The following DNASE1 variants were observed in gnomAD, a reference collection of about 807,000 sequenced individuals.
DNASE1 encodes the protein deoxyribonuclease 1.
DNASE1 carries 40 observed loss-of-function variants against 33.9 expected under a neutral mutation model. The observed-to-expected ratio is 1.18, with a 90% confidence interval of 0.92 to 1.54. The LOEUF (loss-of-function observed/expected upper bound fraction) is 1.54. Ranked by LOEUF, DNASE1 falls within the 40% of genes most tolerant of loss-of-function variation. DNASE1 has a pLI of 0.00. For synonymous variants in DNASE1, 216 were observed against 160.0 expected, an observed-to-expected ratio of 1.35 and a Z score of -2.64; for missense variants, 518 against 372.6, an observed-to-expected ratio of 1.39 and a Z score of -3.21.
At chr16:3,621,636 T>C (rs1433349285) in intron 1 of DNASE1, among the ~76,000 whole-genome samples, 1 of 152,242 alleles carries the variant, frequency 6.6e-6, no homozygotes, top group African/African-American at 2.4e-5. Context: ...CTTAATGAAC[T>C]GTCTTGGAGA....
At position 3,657,355 on chromosome 16, in the gene DNASE1, C is replaced by T. The variant is rs1428986047; in HGVS notation, c.704+14C>T. 5.0e-6 allele frequency: 8 copies of T among 1,611,328 alleles called. No individual in the cohort carries two copies. Among genetic ancestry groups the T allele is most frequent in the Admixed American group, 3.3e-5 (2 of 60,000 alleles). On this transcript the variant is annotated intron_variant, in intron 7 of 8. Transcript: ENST00000246949. ...TGCCTATGACAGGTGAGCAGGGCCTCGCGCTTAGGGCAGACTGAGGGCACC... is the reference window on the plus strand; with the variant it reads ...TGCCTATGACAGGTGAGCAGGGCCTTGCGCTTAGGGCAGACTGAGGGCACC...
chr16:3,655,573 C>G, intron 2 of DNASE1, 53 bp downstream of exon 2: 1 of 1,612,366 alleles, frequency 6.2e-7, no homozygotes, highest in South Asian at 1.1e-5. Context: ...GAGTCTAGGG[C>G]TGGTGGGCAG....
intron 1 of DNASE1, among the ~76,000 whole-genome samples, chr16:3,619,471 C>T (rs375801773): frequency 6.6e-6 from 1 of 152,184 alleles, no homozygotes; most frequent in Non-Finnish European, 1.5e-5. Flanking sequence ...ATGCCATTCT[C>T]CTGCCTCAGC....
chr16:3,625,629 T>C (rs2151168643), intron 1 of DNASE1, among the ~76,000 whole-genome samples: 1 of 149,940 alleles, frequency 6.7e-6, no homozygotes, highest in Non-Finnish European at 1.5e-5. Context: ...TGTCAAAAAA[T>C]AAATAAATAA....
chr16:3,643,487 G>C (rs2042080605), intron 1 of DNASE1, among the ~76,000 whole-genome samples: 1 of 152,232 alleles, frequency 6.6e-6, no homozygotes, highest in African/African-American at 2.4e-5. Flanking sequence ...AAAGACTGCA[G>C]AGGAGCTTAG....
intron 1 of DNASE1, among the ~76,000 whole-genome samples, chr16:3,612,785 A>T (rs2040948429): frequency 6.6e-6 from 1 of 152,162 alleles, no homozygotes. Flanking sequence ...CTATTACATA[A>T]TCTAGATGAA....
chr16:3,658,269 G>A (rs1306016649), downstream of DNASE1: 3 of 1,513,748 alleles, frequency 2.0e-6, no homozygotes, highest in Non-Finnish European at 2.7e-6. Flanking sequence ...GAGGGGCATG[G>A]GGCACCTTTT....
chr16:3,657,917 C>T lies in DNASE1; in HGVS notation c.813C>T (p.Ile271=). ...CCACTTGCCTGCAGGCCCAAGCCATCAGTGACCACTATCCAGTGGAGGTGA... is the reference window on the plus strand; with the variant it reads ...CCACTTGCCTGCAGGCCCAAGCCATTAGTGACCACTATCCAGTGGAGGTGA... The part of the protein sequence containing the change: ...YGLSDQLAQA[I]SDHYPVEVML... The change falls in exon 9 of 9, where the codon ATC becomes ATT. Residue 271 remains isoleucine (I), a synonymous_variant. Transcript: ENST00000246949. 6.2e-7 allele frequency: 1 copy of T among 1,613,182 alleles called. No homozygotes were observed. The highest frequency in any genetic ancestry group is 8.5e-7 in the Non-Finnish European group (1 of 1,179,176).
chr16:3,617,620 A>G (rs2041156428), intron 1 of DNASE1, among the ~76,000 whole-genome samples: 1 of 152,110 alleles, frequency 6.6e-6, no homozygotes, highest in Non-Finnish European at 1.5e-5. Flanking sequence ...CTCAACCGCA[A>G]GGTGATGGGA....
intron 1 of DNASE1, among the ~76,000 whole-genome samples, chr16:3,616,116 G>GT (rs2041095229): frequency 6.6e-6 from 1 of 152,192 alleles, no homozygotes; most frequent in Admixed American, 6.5e-5. Context: ...GTATACAAAA[G>GT]TTATTCGAGA....
intron 1 of DNASE1, among the ~76,000 whole-genome samples, chr16:3,628,060 C>T (rs562378392): frequency 2.6e-4 from 39 of 151,096 alleles, no homozygotes; most frequent in Middle Eastern, 3.5e-3. Flanking sequence ...TTAACAATAT[C>T]GTCCAACCCA....
At chr16:3,654,684 A>G (rs1567207028), upstream of DNASE1, 1 of 399,484 alleles carries the variant, frequency 2.5e-6, no homozygotes, top group Non-Finnish European at 4.4e-6. Context: ...AAACGTGATT[A>G]TCAGGTGCAG....
upstream of DNASE1, chr16:3,652,240 C>G (rs1256617045): frequency 2.6e-5 from 4 of 152,306 alleles, no homozygotes; most frequent in African/African-American, 9.6e-5. Context: ...ACCCTCGTCC[C>G]ACGTGCTGAG....
intron 1 of DNASE1, among the ~76,000 whole-genome samples, chr16:3,644,471 G>A (rs1046706377): frequency 6.6e-6 from 1 of 152,196 alleles, no homozygotes; most frequent in Non-Finnish European, 1.5e-5. Context: ...GCTGAGGCAG[G>A]ATAATCGCTT....
chr16:3,653,003 C>T (rs2042387634), upstream of DNASE1: 1 of 152,284 alleles, frequency 6.6e-6, no homozygotes, highest in Admixed American at 6.5e-5. Context: ...CCAGGGGTGG[C>T]TCAAAAGATA....
At chr16:3,615,840 T>C (rs1353285863) in intron 1 of DNASE1, among the ~76,000 whole-genome samples, 1 of 152,212 alleles carries the variant, frequency 6.6e-6, no homozygotes. Flanking sequence ...TTCCACTGAG[T>C]TCATGTTTTA....
At chr16:3,660,054 T>C (rs2042983231), downstream of DNASE1, 1 of 152,158 alleles carries the variant, frequency 6.6e-6, no homozygotes, top group South Asian at 2.1e-4. Context: ...CAAATGCACA[T>C]CCTCACATTT....
At chr16:3,636,945 G>A (rs1000182139) in intron 1 of DNASE1, among the ~76,000 whole-genome samples, 2 of 151,748 alleles carry the variant, frequency 1.3e-5, no homozygotes, top group Admixed American at 6.6e-5. Flanking sequence ...TCAACATGGC[G>A]AAAGCCTGTC....
intron 1 of DNASE1, among the ~76,000 whole-genome samples, chr16:3,616,439 G>A (rs2041106015): frequency 6.7e-6 from 1 of 149,868 alleles, no homozygotes; most frequent in Non-Finnish European, 1.5e-5. Context: ...TGACCAACAT[G>A]GTGAAACCCC....
Sources: gnomAD v4.1 joint callset for allele counts (sites outside exome capture counted in the v4.1 genomes callset) on GRCh38, gnomAD v4.1.1 for gene constraint, MANE v1.5 for transcripts, NCBI Gene and HGNC (gene_info 2026-07-23, HGNC 2026-07-21) for gene names.